GRID2: variants seen among roughly 807,000 people sequenced by gnomAD.
GRID2 encodes the protein glutamate ionotropic receptor delta type subunit 2.
Under a neutral mutation model 114.8 loss-of-function variants are expected in GRID2, and 33 were observed. That is an observed-to-expected ratio of 0.29 (90% confidence interval 0.22 to 0.38). The LOEUF (loss-of-function observed/expected upper bound fraction) is 0.38. GRID2 is among the 10% of genes least tolerant of loss of function. The pLI, the probability that GRID2 is intolerant of heterozygous loss-of-function variation, is 1.00. For missense variants in GRID2, 1,184 were observed against 1,257.7 expected, an observed-to-expected ratio of 0.94 and a Z score of 0.89; for synonymous variants, 505 against 449.9, an observed-to-expected ratio of 1.12 and a Z score of -1.55.
intron 2 of GRID2, among the ~76,000 whole-genome samples, chr4:92,954,370 G>A (rs7667251): frequency 0.041 from 6,313 of 152,150 alleles, 205 homozygotes; most frequent in East Asian, 0.14. Context: ...GAAGTAGGTA[G>A]ACTGGGGGAT....
At chr4:92,688,150 A>G (rs944619749) in intron 2 of GRID2, among the ~76,000 whole-genome samples, 2 of 145,762 alleles carry the variant, frequency 1.4e-5, no homozygotes, top group Non-Finnish European at 3.0e-5. Flanking sequence ...CCTGGGTTCA[A>G]GCGCTTCTCC....
rs1044690981 is a variant in GRID2 at position 92,932,503 on chromosome 4, T to G, written c.245-152492T>G. Among the ~76,000 whole-genome samples, 4 of 151,268 alleles carry G rather than the reference T, an allele frequency of 2.6e-5. No homozygotes were observed. In the South Asian group the frequency reaches 8.3e-4, roughly 31 times the overall value. ...ATGTATGTGAAATAGTACAACAATTTTAGAGAAGTGTATTTAATATCTGTC... is the reference window on the plus strand; with the variant it reads ...ATGTATGTGAAATAGTACAACAATTGTAGAGAAGTGTATTTAATATCTGTC... On this transcript the variant is annotated intron_variant, in intron 2 of 15. Transcript: ENST00000282020.
Position 93,490,706 on chromosome 4 carries a change from G to T in GRID2, c.1926G>T (p.Leu642Phe), listed in dbSNP as rs1726910261. ...TGGGGGCTTGGTGGCTATTTGCTTT[G>T]ATTGTTATCTCATCTTACACGGCAA... The part of the protein sequence containing the change: ...MMMGAWWLFA[L>F]IVISSYTANL... The change falls in exon 12 of 16, where the codon TTG becomes TTT. Residue 642 changes from leucine (L) to phenylalanine (F), a missense_variant. By Grantham distance (22) the Leu-to-Phe change is conservative (BLOSUM62 0). Coordinates refer to ENST00000282020, the MANE Select transcript of GRID2 (RefSeq NM_001510.4). The T allele has an allele frequency of 1.2e-6, 2 of 1,610,650 alleles. No individual in the cohort carries two copies. The highest frequency in any genetic ancestry group is 2.2e-5 in the East Asian group (1 of 44,770).
chr4:92,620,018 G>A (rs984273792), intron 2 of GRID2, among the ~76,000 whole-genome samples: 1 of 151,610 alleles, frequency 6.6e-6, no homozygotes, highest in Non-Finnish European at 1.5e-5. Flanking sequence ...ACTTTTCATG[G>A]TAATTCTGAT....
intron 8 of GRID2, among the ~76,000 whole-genome samples, chr4:93,288,646 T>C (rs539385927): frequency 6.6e-6 from 1 of 152,344 alleles, no homozygotes; most frequent in East Asian, 1.9e-4. Flanking sequence ...AATGAGACTC[T>C]ATCCTTTTAT....
intron 10 of GRID2, among the ~76,000 whole-genome samples, chr4:93,427,307 A>G (rs1179631645): frequency 6.6e-6 from 1 of 152,022 alleles, no homozygotes; most frequent in Non-Finnish European, 1.5e-5. Flanking sequence ...TAAAAATGTT[A>G]TGATGGAGCT....
chr4:92,907,974 G>T (rs1175439959), intron 2 of GRID2, among the ~76,000 whole-genome samples: 1 of 152,038 alleles, frequency 6.6e-6, no homozygotes, highest in Non-Finnish European at 1.5e-5. Flanking sequence ...AGTGAGCCGA[G>T]ACTATGGCAC....
chr4:92,758,964 A>G (rs545774004), intron 2 of GRID2, among the ~76,000 whole-genome samples: 249 of 152,330 alleles, frequency 1.6e-3, no homozygotes, highest in African/African-American at 5.9e-3. Context: ...TGGAATATTT[A>G]GGCTAAATTA....
intron 2 of GRID2, among the ~76,000 whole-genome samples, chr4:92,887,874 A>C (rs1380440235): frequency 6.6e-6 from 1 of 152,020 alleles, no homozygotes; most frequent in African/African-American, 2.4e-5. Flanking sequence ...CATTGTCTTT[A>C]TTTCTTTCTG....
chr4:92,710,855 T>C (rs945151925), intron 2 of GRID2, among the ~76,000 whole-genome samples: 2 of 151,988 alleles, frequency 1.3e-5, no homozygotes, highest in South Asian at 4.2e-4. Flanking sequence ...AATAAACTTA[T>C]ATTACTATTA....
intron 2 of GRID2, among the ~76,000 whole-genome samples, chr4:92,937,908 T>G (rs1750785717): frequency 6.8e-6 from 1 of 146,612 alleles, no homozygotes; most frequent in African/African-American, 2.4e-5. Context: ...AATGTGGAAA[T>G]GCTTGTCTTC....
intron 4 of GRID2, among the ~76,000 whole-genome samples, chr4:93,127,235 C>G (rs762429824): frequency 2.6e-5 from 4 of 152,142 alleles, no homozygotes; most frequent in Non-Finnish European, 5.9e-5. Flanking sequence ...TCATGAAATG[C>G]ATTTTTTTTG....
intron 2 of GRID2, among the ~76,000 whole-genome samples, chr4:92,659,193 A>T (rs1732402411): frequency 6.6e-6 from 1 of 151,850 alleles, no homozygotes; most frequent in South Asian, 2.1e-4. Context: ...TCTAAATCAT[A>T]TAAAGCCAAA....
At chr4:93,140,490 C>T (rs1735677302) in intron 4 of GRID2, among the ~76,000 whole-genome samples, 1 of 152,072 alleles carries the variant, frequency 6.6e-6, no homozygotes, top group Non-Finnish European at 1.5e-5. Context: ...GGACAGTTGG[C>T]ATTTGCTCAA....
chr4:92,848,609 G>T (rs755436503), intron 2 of GRID2, among the ~76,000 whole-genome samples: 8 of 151,804 alleles, frequency 5.3e-5, no homozygotes, highest in Non-Finnish European at 8.8e-5. Context: ...ACCCACACCT[G>T]GAACAATGCC....
chr4:93,316,316 G>GAAAGAAAGAAAGAAAGAAAA (rs1756620240), intron 8 of GRID2, among the ~76,000 whole-genome samples: 10 of 138,060 alleles, frequency 7.2e-5, no homozygotes, highest in Admixed American at 5.9e-4. Flanking sequence ...AAGAAAGAAA[G>GAAAGAAAGAAAGAAAGAAAA]AAAGAAAGAA....
chr4:92,511,965 T>A (rs1724273665), intron 1 of GRID2, among the ~76,000 whole-genome samples: 1 of 151,798 alleles, frequency 6.6e-6, no homozygotes, highest in South Asian at 2.1e-4. Context: ...ATATAATACC[T>A]CAGTCTCCCA....
At chr4:93,722,157 C>A (rs563036116) in intron 14 of GRID2, among the ~76,000 whole-genome samples, 1 of 152,084 alleles carries the variant, frequency 6.6e-6, no homozygotes, top group Non-Finnish European at 1.5e-5. Context: ...TGAAAGTGAT[C>A]TACCTGCCTC....
chr4:93,110,622 T>G (rs1204451012), intron 3 of GRID2, 126 bp from the exon 4 acceptor site: 1 of 690,246 alleles, frequency 1.4e-6, no homozygotes. Flanking sequence ...CGTCAGCTAC[T>G]CAGTTGGTAA....
Sources: gnomAD v4.1 joint callset for allele counts (sites outside exome capture counted in the v4.1 genomes callset) on GRCh38, gnomAD v4.1.1 for gene constraint, MANE v1.5 for transcripts, NCBI Gene and HGNC (gene_info 2026-07-23, HGNC 2026-07-21) for gene names.